The following PCDHGA3 variants were observed in gnomAD, a reference collection of about 807,000 sequenced individuals.
PCDHGA3 encodes the protein protocadherin gamma-A3.
PCDHGA3 carries 40 observed loss-of-function variants against 58.5 expected under a neutral mutation model. The observed-to-expected ratio is 0.68, with a 90% CI of 0.53 to 0.89. The LOEUF is 0.89. Among genes scored for constraint, PCDHGA3 ranks in the 40% least tolerant of loss-of-function variants. PCDHGA3 has a pLI of 0.00. For synonymous variants in PCDHGA3, 530 were observed against 525.7 expected (o/e 1.01, Z -0.11); for missense variants, 1,223 against 1,195.9 (o/e 1.02, Z -0.33).
At chr5:141,435,446 G>A (rs889481920) in intron 1 of PCDHGA3, among the ~76,000 whole-genome samples, 12 of 152,060 alleles carry the variant, frequency 7.9e-5, no homozygotes, top group Admixed American at 6.6e-4. Context: ...TCATTAATAC[G>A]ATATCTGTAT....
At chr5:141,366,096 C>T (rs763995838) in intron 1 of PCDHGA3, 4 of 1,614,226 alleles carry the variant, frequency 2.5e-6, no homozygotes, top group Non-Finnish European at 3.4e-6. Context: ...TACCTGGTGA[C>T]CAAGGTGGTA....
At chr5:141,413,687 T>A (rs1470256826) in intron 1 of PCDHGA3, 5 of 1,613,666 alleles carry the variant, frequency 3.1e-6, no homozygotes, top group Non-Finnish European at 3.4e-6. Flanking sequence ...GTGAACTCCC[T>A]GCAGAGCTAT....
chr5:141,350,133 C>T, intron 1 of PCDHGA3: 1 of 737,120 alleles, frequency 1.4e-6, no homozygotes, highest in Admixed American at 3.6e-5. Context: ...TGAGCACAGA[C>T]GCTGCTCCTG....
Position 141,345,936 on chromosome 5 carries a change from A to G in PCDHGA3, c.1903A>G (p.Arg635Gly). The change falls in exon 1 of 4, where the codon AGA becomes GGA. Residue 635 changes from arginine to glycine, a missense_variant. By Grantham distance (125) the Arg-to-Gly change is moderately radical. Transcript: ENST00000253812. The stretch of plus-strand genomic sequence containing the variant: ...GCGCACGGCGCGAGCCCTGCTGGAC[A>G]GAGACGCGCTCAAGCAGAGCCTCGT... The part of the protein sequence containing the change: ...EVRTARALLD[R>G]DALKQSLVVA... 1 of 1,613,516 alleles carries G rather than the reference A, an allele frequency of 6.2e-7. No individual in the cohort carries two copies. Among genetic ancestry groups the G allele is most frequent in the Non-Finnish European group, 8.5e-7 (1 of 1,179,854 alleles).
rs752680691 is a variant in PCDHGA3, at chr5:141,433,173, G to A, written c.2425-61634G>A. Reference sequence around the variant, plus strand: ...TCGGTATTTTCTAAAGACAGTCATGGGTTAATTGAGGTGAGTTTATATCAA... The same window carrying A: ...TCGGTATTTTCTAAAGACAGTCATGAGTTAATTGAGGTGAGTTTATATCAA... On this transcript the variant is annotated intron_variant, in intron 1 of 3. Coordinates refer to ENST00000253812, the MANE Select transcript of PCDHGA3 (RefSeq NM_018916.4). 3.1e-6 allele frequency: 5 copies of A among 1,610,344 alleles called. 1 individual carries two copies. In the Middle Eastern group the frequency reaches 5.0e-4, roughly 160 times the overall value.
chr5:141,444,265 A>G (rs1355824197), intron 1 of PCDHGA3, among the ~76,000 whole-genome samples: 3 of 133,712 alleles, frequency 2.2e-5, no homozygotes, highest in Non-Finnish European at 3.1e-5. Flanking sequence ...TCCGCCTCCC[A>G]GGTTCAAGTG....
intron 2 of PCDHGA3, among the ~76,000 whole-genome samples, chr5:141,497,213 G>A (rs1313220474): frequency 6.6e-6 from 1 of 152,126 alleles, no homozygotes; most frequent in Non-Finnish European, 1.5e-5. Flanking sequence ...GTGTAATGGG[G>A]GGGGGAAGAT....
At chr5:141,365,601 T>C in intron 1 of PCDHGA3, 1 of 1,613,644 alleles carries the variant, frequency 6.2e-7, no homozygotes, top group Non-Finnish European at 8.5e-7. Context: ...ACTTTAACCG[T>C]CATGGACCAT....
At position 141,488,726 on chromosome 5, in the gene PCDHGA3, G is replaced by A. The variant is rs1562126303; in HGVS notation, c.2425-6081G>A. 2.0e-5 allele frequency among the ~76,000 whole-genome samples: 3 copies of A among 152,194 alleles called. No homozygotes were observed. The South Asian group carries it at 6.2e-4, about 32-fold the overall frequency. ...TGCTGGTTCAAGCAAAGTGGTGGAA[G>A]CTTCTGAAGTCATGCAGGAAGTTGC... On this transcript the variant is annotated intron_variant, in intron 1 of 3. Transcript: ENST00000253812.
chr5:141,355,915 G>A (rs1239960767), intron 1 of PCDHGA3: 5 of 1,613,748 alleles, frequency 3.1e-6, no homozygotes, highest in Non-Finnish European at 4.2e-6. Context: ...CAACGATAAT[G>A]CTCCCGTGTT....
intron 1 of PCDHGA3, chr5:141,415,794 A>G: frequency 1.5e-6 from 2 of 1,366,408 alleles, no homozygotes; most frequent in Non-Finnish European, 1.9e-6. Context: ...AAATTCACCT[A>G]GTCTCAATCA....
At chr5:141,360,107 A>G (rs768068572) in intron 1 of PCDHGA3, 11 of 1,553,506 alleles carry the variant, frequency 7.1e-6, no homozygotes, top group Non-Finnish European at 9.6e-6. Context: ...TATTCCTCCT[A>G]TGGGCAAAGG....
chr5:141,376,542 C>A, intron 1 of PCDHGA3: 1 of 1,612,918 alleles, frequency 6.2e-7, no homozygotes, highest in Non-Finnish European at 8.5e-7. Flanking sequence ...GAAGAGTAAT[C>A]TGATCTTCCC....
intron 1 of PCDHGA3, chr5:141,419,360 C>T (rs763624320): frequency 6.2e-7 from 1 of 1,613,818 alleles, no homozygotes; most frequent in South Asian, 1.1e-5. Flanking sequence ...GTCACGAACG[C>T]TGTCGTCCTA....
Position 141,490,982 on chromosome 5 carries a change from G to A in PCDHGA3, c.2425-3825G>A, listed in dbSNP as rs964673026. 5 of 1,613,994 alleles carry A rather than the reference G, an allele frequency of 3.1e-6. No homozygotes were observed. Among genetic ancestry groups the A allele is most frequent in the Admixed American group, 1.7e-5 (1 of 60,020 alleles). On this transcript the variant is annotated intron_variant, in intron 1 of 3. Coordinates refer to ENST00000253812, the MANE Select transcript of PCDHGA3 (RefSeq NM_018916.4). This position sits in a 1 kb window ranked among gnomAD's most constrained non-coding sequence, Gnocchi z 5.4. The stretch of plus-strand genomic sequence containing the variant: ...CACTCAGCCCCCCAGCGTCTCCCTC[G>A]CTCTGCTCCTCCTGGCTCCTTGGTC...
In PCDHGA3 at chr5:141,489,372, G is replaced by A. The variant is rs1335356378; in HGVS notation, c.2425-5435G>A. 2 of 1,613,814 alleles carry A rather than the reference G, an allele frequency of 1.2e-6. No individual in the cohort carries two copies. Among genetic ancestry groups the A allele is most frequent in the Non-Finnish European group, 1.7e-6 (2 of 1,179,700 alleles). On this transcript the variant is annotated intron_variant, in intron 1 of 3. Transcript: ENST00000253812. The surrounding 1 kb of genome is among the most constrained non-coding windows in gnomAD (Gnocchi z 4.5). ...TGGAGGAGTCTGAGCCGGGGACGCT[G>A]GTGGGGAATGTTGCTCAGGATCTGG...
At chr5:141,415,252 C>T (rs895920596) in intron 1 of PCDHGA3, 5 of 1,614,098 alleles carry the variant, frequency 3.1e-6, no homozygotes, top group Non-Finnish European at 4.2e-6. Context: ...AACCTCAGAC[C>T]TCACTCTGTA....
intron 1 of PCDHGA3, among the ~76,000 whole-genome samples, chr5:141,353,336 TTCA>T (rs1197519087): frequency 1.3e-5 from 2 of 152,230 alleles, no homozygotes; most frequent in Non-Finnish European, 2.9e-5. Context: ...CAAGTTAAAG[TTCA>T]TCAATTACAT....
At chr5:141,409,988 G>GC (rs1561724887) in intron 1 of PCDHGA3, 1 of 1,613,278 alleles carries the variant, frequency 6.2e-7, no homozygotes, top group Non-Finnish European at 8.5e-7. Flanking sequence ...AGCGGTGGAC[G>GC]CCGACTCGGG....
Sources: allele counts gnomAD v4.1 joint callset (sites outside exome capture counted in the v4.1 genomes callset), GRCh38; gene constraint gnomAD v4.1.1; non-coding constraint Gnocchi (gnomAD v3.1); transcripts MANE v1.5; gene names NCBI Gene and HGNC (gene_info 2026-07-23, HGNC 2026-07-21).